Variants in ASCC3 observed in about 807,000 individuals in gnomAD.
ASCC3 encodes the protein ASC-1 complex subunit P200.
In ASCC3, 158 loss-of-function variants were observed where a neutral mutation model predicts 256.3. The ratio of observed to expected loss-of-function variants is 0.62; its 90% CI spans 0.54 to 0.70. The LOEUF (loss-of-function observed/expected upper bound fraction) is 0.70. Ranked by LOEUF, ASCC3 falls within the 30% of genes least tolerant of loss-of-function variation. ASCC3 has a pLI of 0.00. For synonymous variants in ASCC3, 948 were observed against 883.4 expected (o/e 1.07, Z -1.30); for missense variants, 2,259 against 2,626.0 (o/e 0.86, Z 3.05).
At chr6:100,854,842 GCTCA>G (rs1404271043) in intron 3 of ASCC3, among the ~76,000 whole-genome samples, 1 of 152,024 alleles carries the variant, frequency 6.6e-6, no homozygotes, top group Non-Finnish European at 1.5e-5. Flanking sequence ...AAATCATATA[GCTCA>G]CTGAGATTTA....
At chr6:100,629,279 G>C (rs1774414532) in intron 26 of ASCC3, 98 bp from the exon 27 acceptor site, 6 of 1,120,252 alleles carry the variant, frequency 5.4e-6, no homozygotes, top group Non-Finnish European at 7.7e-6. Flanking sequence ...ATTTTATAAG[G>C]CTTAAAATTA....
At chr6:100,801,025 C>T (rs1769892179) in intron 5 of ASCC3, among the ~76,000 whole-genome samples, 1 of 151,646 alleles carries the variant, frequency 6.6e-6, no homozygotes. Flanking sequence ...ATATTTGAGA[C>T]AATAACTAAA....
chr6:100,581,537 T>C (rs1011941342), intron 36 of ASCC3, among the ~76,000 whole-genome samples: 3 of 151,572 alleles, frequency 2.0e-5, no homozygotes, highest in Non-Finnish European at 3.0e-5. Flanking sequence ...GTAGGTTGCC[T>C]GTTCACTCTG....
intron 4 of ASCC3, among the ~76,000 whole-genome samples, chr6:100,828,215 A>C (rs1771426117): frequency 1.3e-5 from 2 of 152,326 alleles, no homozygotes; most frequent in South Asian, 4.1e-4. Flanking sequence ...TTAGTTTAGC[A>C]AATTATTTAG....
chr6:100,766,694 A>G lies in ASCC3; in HGVS notation c.1608T>C (p.Val536=). The G allele has an allele frequency of 6.2e-7, 1 of 1,614,048 alleles. No individual in the cohort carries two copies. Among genetic ancestry groups the G allele is most frequent in the Non-Finnish European group, 8.5e-7 (1 of 1,179,940 alleles). The change falls in exon 10 of 42, where the codon GTT becomes GTC. Residue 536 remains valine (V), a synonymous_variant. Transcript: ENST00000369162. ...IKKNEFKIVY[V]APMKALAAEM... ...CAGCTGCCAAGGCTTTCATTGGAGC[A>G]ACATATACAATCTATACCAAAGGAA...
rs1189704462 is a variant in ASCC3 at position 100,509,085 on chromosome 6, A to G, written c.*301T>C. 3.7e-5 allele frequency: 14 copies of G among 378,036 alleles called. No individual in the cohort carries two copies. Among genetic ancestry groups the G allele is most frequent in the Admixed American group, 7.9e-5 (2 of 25,396 alleles). The allele number at this position is 378,036 out of a possible 1,614,324, so 23.4% of individuals were successfully genotyped here. A position where few individuals can be genotyped will look rare whatever the true frequency, so the allele number is the denominator to read the frequency against. On this transcript the variant is annotated 3_prime_UTR_variant, in exon 42 of 42. Coordinates refer to ENST00000369162, the MANE Select transcript of ASCC3 (RefSeq NM_006828.4). ...AGTACATTGTGAGATGTAAAATTTG[A>G]TTGATAGCTCCTAAATATCATCCCA... is the stretch of plus-strand genomic sequence containing the variant.
intron 30 of ASCC3, among the ~76,000 whole-genome samples, chr6:100,612,138 T>C (rs1017688331): frequency 6.6e-6 from 1 of 152,058 alleles, no homozygotes; most frequent in African/African-American, 2.4e-5. Context: ...TTTAACTTAA[T>C]AGAACTTTTT....
chr6:100,693,596 TG>T (rs1777938903), intron 13 of ASCC3, among the ~76,000 whole-genome samples: 1 of 152,192 alleles, frequency 6.6e-6, no homozygotes, highest in African/African-American at 2.4e-5. Flanking sequence ...GTGTTCAAGC[TG>T]GGATTTTAGG....
chr6:100,850,851 A>C (rs1490138970), intron 3 of ASCC3, among the ~76,000 whole-genome samples: 1 of 152,286 alleles, frequency 6.6e-6, no homozygotes, highest in East Asian at 1.9e-4. Flanking sequence ...ATAACTTGTA[A>C]AACAGGATTT....
chr6:100,644,125 T>G lies in ASCC3; in HGVS notation c.3638A>C (p.His1213Pro). The change falls in exon 23 of 42, where the codon CAT becomes CCT. Residue 1213 changes from histidine to proline, a missense_variant. This residue lies in a region of ASCC3 where 1,839 missense variants were observed against 2,206.7 expected (regional missense o/e 0.83). Transcript: ENST00000369162. ...CCACCAAGGTTCTCCTACTGTCCCA[T>G]GTACCTAGAAGAAAAATAGCATCCT... ...YADFTWNDQV[H>P]GTVGEPWWIW... 1 of 1,608,646 alleles carries G rather than the reference T, an allele frequency of 6.2e-7. No homozygotes were observed. Among genetic ancestry groups the G allele is most frequent in the South Asian group, 1.1e-5 (1 of 90,966 alleles).
chr6:100,725,798 C>A (rs12664223), intron 10 of ASCC3, 95 bp from the exon 11 acceptor site: 1 of 1,279,036 alleles, frequency 7.8e-7, no homozygotes. Context: ...GCCACCTCTA[C>A]ATAAATCAAA....
At chr6:100,749,121 T>TA (rs1290447811) in intron 10 of ASCC3, among the ~76,000 whole-genome samples, 1 of 152,032 alleles carries the variant, frequency 6.6e-6, no homozygotes, top group African/African-American at 2.4e-5. Context: ...CATATCAACT[T>TA]AGTTTTTGAG....
At chr6:100,594,275 A>G (rs978092315) in intron 34 of ASCC3, among the ~76,000 whole-genome samples, 2 of 152,152 alleles carry the variant, frequency 1.3e-5, no homozygotes, top group African/African-American at 4.8e-5. Context: ...ATGAACAAGC[A>G]TGCATACATA....
chr6:100,841,603 T>C (rs1772145862), intron 4 of ASCC3, among the ~76,000 whole-genome samples: 1 of 152,092 alleles, frequency 6.6e-6, no homozygotes, highest in Admixed American at 6.5e-5. Flanking sequence ...ATGTCAGTAC[T>C]ATTAGAACAC....
chr6:100,608,479 T>TTA (rs1390755906), intron 30 of ASCC3, among the ~76,000 whole-genome samples: 1,542 of 4,112 alleles, frequency 0.38, 647 homozygotes, highest in Middle Eastern at 1. Context: ...TATATATACT[T>TTA]TATATATATA....
chr6:100,788,713 G>C (rs987617494), intron 8 of ASCC3, among the ~76,000 whole-genome samples: 2 of 151,782 alleles, frequency 1.3e-5, no homozygotes, highest in Non-Finnish European at 2.9e-5. Context: ...AAATATTCAT[G>C]ACACTTACAT....
Position 100,608,231 on chromosome 6 carries a change from ACTT to A in ASCC3, c.4786-1146_4786-1144del, listed in dbSNP as rs375056700. On this transcript the variant is annotated intron_variant, in intron 30 of 41. Transcript: ENST00000369162. ...TATACTTTATATATATACTTTATAT[ACTT>A]TATACTTTATATATATACTTTATAT... Among the ~76,000 whole-genome samples the A allele has an allele frequency of 8.3e-3, 296 of 35,532 alleles. 74 individuals carry two copies. The highest frequency in any genetic ancestry group is 0.031 in the African/African-American group (267 of 8,538). 23.3% of individuals were successfully genotyped at this position (35,532 alleles called of 152,430 possible).
At chr6:100,542,231 C>G (rs1372622920) in intron 36 of ASCC3, among the ~76,000 whole-genome samples, 1 of 152,140 alleles carries the variant, frequency 6.6e-6, no homozygotes, top group Admixed American at 6.5e-5. Flanking sequence ...TTCATCACTA[C>G]TGAATTGCTC....
At chr6:100,611,391 T>G (rs1773389454) in intron 30 of ASCC3, among the ~76,000 whole-genome samples, 1 of 152,106 alleles carries the variant, frequency 6.6e-6, no homozygotes, top group Admixed American at 6.6e-5. Context: ...TTTTTTGGAT[T>G]ATATACATCT....
Sources: gnomAD v4.1 joint callset for allele counts (sites outside exome capture counted in the v4.1 genomes callset) on GRCh38, gnomAD v4.1.1 for gene constraint, gnomAD v4.1.1 regional missense constraint, MANE v1.5 for transcripts, NCBI Gene and HGNC (gene_info 2026-07-23, HGNC 2026-07-21) for gene names.